TNFAIP8: variants seen among roughly 807,000 people sequenced by gnomAD.
TNFAIP8 encodes the protein tumor necrosis factor alpha-induced protein 8.
A neutral mutation model predicts 13.3 loss-of-function variants in TNFAIP8; 7 were observed. The ratio of observed to expected loss-of-function variants is 0.52; its 90% confidence interval spans 0.30 to 0.99. TNFAIP8 has a LOEUF of 0.99. TNFAIP8 is among the 50% of genes least tolerant of loss of function. The pLI is 0.07. For synonymous variants in TNFAIP8, 94 were observed against 87.6 expected (o/e 1.07, Z -0.41); for missense variants, 258 against 236.9 (o/e 1.09, Z -0.58).
At chr5:119,365,622 G>C (rs1751820991) in intron 1 of TNFAIP8, among the ~76,000 whole-genome samples, 1 of 152,212 alleles carries the variant, frequency 6.6e-6, no homozygotes, top group Non-Finnish European at 1.5e-5. Context: ...GAGTTGGCTT[G>C]CTCCAATAAA....
At chr5:119,293,474 C>T (rs1749060375) in intron 1 of TNFAIP8, among the ~76,000 whole-genome samples, 1 of 152,128 alleles carries the variant, frequency 6.6e-6, no homozygotes, top group Non-Finnish European at 1.5e-5. Context: ...GCTTATTTCA[C>T]TTAATATAAT....
At chr5:119,287,280 G>GTTTTTTTTTTT (rs58452491) in intron 1 of TNFAIP8, among the ~76,000 whole-genome samples, 11 of 109,226 alleles carry the variant, frequency 1.0e-4, no homozygotes, top group East Asian at 8.7e-4. Context: ...CAGTAACCAA[G>GTTTTTTTTTTT]TTTTTTTTTT....
intron 1 of TNFAIP8, among the ~76,000 whole-genome samples, chr5:119,342,293 AACCAGC>A (rs1319402879): frequency 2.0e-5 from 3 of 152,186 alleles, no homozygotes; most frequent in Non-Finnish European, 4.4e-5. Flanking sequence ...AGAGCTGCGG[AACCAGC>A]ACCAGCCACT....
intron 1 of TNFAIP8, among the ~76,000 whole-genome samples, chr5:119,342,336 C>T (rs1024592286): frequency 6.6e-6 from 1 of 152,188 alleles, no homozygotes; most frequent in Non-Finnish European, 1.5e-5. Flanking sequence ...TTGACTTTAT[C>T]TTTTTAAATT....
intron 1 of TNFAIP8, among the ~76,000 whole-genome samples, chr5:119,362,934 C>A (rs1411829663): frequency 1.3e-5 from 2 of 152,146 alleles, no homozygotes; most frequent in East Asian, 3.8e-4. Flanking sequence ...TATAAGGAGC[C>A]TCGCCAAGAA....
chr5:119,340,078 G>A (rs528621141), intron 1 of TNFAIP8, among the ~76,000 whole-genome samples: 1 of 152,302 alleles, frequency 6.6e-6, no homozygotes, highest in East Asian at 1.9e-4. Context: ...GAAAATGAAA[G>A]TCACAGTGAC....
intron 1 of TNFAIP8, among the ~76,000 whole-genome samples, chr5:119,290,475 C>T (rs1748947074): frequency 6.6e-6 from 1 of 152,146 alleles, no homozygotes; most frequent in Admixed American, 6.5e-5. Flanking sequence ...TTGGAGTGTC[C>T]TCATGACATG....
chr5:119,328,774 A>G (rs966516779), intron 1 of TNFAIP8, among the ~76,000 whole-genome samples: 2 of 152,200 alleles, frequency 1.3e-5, no homozygotes, highest in Non-Finnish European at 2.9e-5. Flanking sequence ...TTACAATTGG[A>G]TAGTTTTTCT....
intron 1 of TNFAIP8, among the ~76,000 whole-genome samples, chr5:119,382,419 A>C (rs1244220245): frequency 6.6e-6 from 1 of 152,034 alleles, no homozygotes; most frequent in East Asian, 1.9e-4. Context: ...CATTATACAC[A>C]CTCAACAAAA....
chr5:119,341,071 T>G (rs1210403265), intron 1 of TNFAIP8, among the ~76,000 whole-genome samples: 16 of 148,646 alleles, frequency 1.1e-4, no homozygotes, highest in Non-Finnish European at 3.0e-5. Context: ...GCTTCACTGG[T>G]GTTTTTGGTC....
intron 1 of TNFAIP8, among the ~76,000 whole-genome samples, chr5:119,381,821 A>G (rs1480780752): frequency 6.6e-6 from 1 of 151,912 alleles, no homozygotes; most frequent in Non-Finnish European, 1.5e-5. Context: ...AGTCCCAGCT[A>G]CTCAGAAGGC....
chr5:119,374,374 C>G (rs1476633505), intron 1 of TNFAIP8, among the ~76,000 whole-genome samples: 1 of 152,128 alleles, frequency 6.6e-6, no homozygotes, highest in African/African-American at 2.4e-5. Context: ...TTGAGATGCT[C>G]AACCTGTACC....
intron 1 of TNFAIP8, among the ~76,000 whole-genome samples, chr5:119,360,098 T>G (rs1751576412): frequency 6.6e-6 from 1 of 152,204 alleles, no homozygotes; most frequent in African/African-American, 2.4e-5. Flanking sequence ...CTGAAATTTT[T>G]ATCATATTGA....
chr5:119,288,097 CAGTA>C (rs780645088), intron 1 of TNFAIP8, among the ~76,000 whole-genome samples: 46 of 152,274 alleles, frequency 3.0e-4, no homozygotes, highest in Non-Finnish European at 3.7e-4. Flanking sequence ...AAAGAAAAAA[CAGTA>C]AGGTTATAGA....
At chr5:119,368,981 C>G (rs1385449407) in intron 1 of TNFAIP8, among the ~76,000 whole-genome samples, 1 of 151,922 alleles carries the variant, frequency 6.6e-6, no homozygotes, top group Admixed American at 6.6e-5. Flanking sequence ...TACCCTATAC[C>G]TGTTCAAATA....
intron 1 of TNFAIP8, among the ~76,000 whole-genome samples, chr5:119,297,763 G>A (rs1749224087): frequency 6.6e-6 from 1 of 152,162 alleles, no homozygotes. Flanking sequence ...AGGTCACTCA[G>A]GACTTGCTTT....
chr5:119,342,257 G>A (rs6891084), intron 1 of TNFAIP8, among the ~76,000 whole-genome samples: 57,507 of 152,098 alleles, frequency 0.38, 12,766 homozygotes, highest in African/African-American at 0.62. Flanking sequence ...CTCAGAGATA[G>A]CACCTTGTGT....
intron 1 of TNFAIP8, among the ~76,000 whole-genome samples, chr5:119,294,245 G>A (rs887679837): frequency 7.4e-6 from 1 of 135,922 alleles, no homozygotes; most frequent in Admixed American, 8.8e-5. Flanking sequence ...CCCTTCCCGT[G>A]TCCATGTGTT....
In TNFAIP8 at chr5:119,348,212, T is replaced by C. The variant is rs147947325; in HGVS notation, c.2-44604T>C. On this transcript the variant is annotated intron_variant, in intron 1 of 1. Coordinates refer to the TNFAIP8 transcript ENST00000274456. ...AATGCTCACGATAATCAATAGCAGA[T>C]GTGTGGTAAGCACTGGAAAGTTGCA... 4.4e-3 allele frequency among the ~76,000 whole-genome samples: 663 copies of C among 152,328 alleles called. 8 individuals are homozygous for C. Among genetic ancestry groups the C allele is most frequent in the African/African-American group, 0.015 (607 of 41,568 alleles).
Sources: gnomAD v4.1 joint callset for allele counts (sites outside exome capture counted in the v4.1 genomes callset) on GRCh38, gnomAD v4.1.1 for gene constraint, MANE v1.5 for transcripts, NCBI Gene and HGNC (gene_info 2026-07-23, HGNC 2026-07-21) for gene names.